R3HDM4: variants seen among roughly 807,000 people sequenced by gnomAD.
R3HDM4 encodes R3H domain-containing protein 4.
R3HDM4 carries 30 observed loss-of-function variants against 31.3 expected under a neutral mutation model. The observed-to-expected ratio is 0.96, with a 90% CI of 0.72 to 1.30. The LOEUF is 1.30. Ranked by LOEUF, R3HDM4 falls within the 50% of genes most tolerant of loss-of-function variation. The pLI, the probability that R3HDM4 is intolerant of heterozygous loss-of-function variation, is 0.00. For missense variants in R3HDM4, 444 were observed against 366.1 expected, an observed-to-expected ratio of 1.21 and a Z score of -1.74; for synonymous variants, 196 against 156.6, an observed-to-expected ratio of 1.25 and a Z score of -1.88.
At chr19:911,184 G>A (rs1360926339) in intron 1 of R3HDM4, among the ~76,000 whole-genome samples, 1 of 152,058 alleles carries the variant, frequency 6.6e-6, no homozygotes, top group Non-Finnish European at 1.5e-5. Context: ...GGTGGCTCAC[G>A]CCTGTAATCC....
intron 1 of R3HDM4, among the ~76,000 whole-genome samples, chr19:902,834 C>A (rs2036854525): frequency 6.6e-6 from 1 of 151,776 alleles, no homozygotes; most frequent in South Asian, 2.1e-4. Context: ...TCAGCTTACT[C>A]AGGAGGCTGA....
In R3HDM4 at chr19:900,929, G is replaced by A. The variant is rs1219471581; in HGVS notation, c.375C>T (p.Arg125=). 1 of 1,607,504 alleles carries A rather than the reference G, an allele frequency of 6.2e-7. No individual in the cohort carries two copies. The highest frequency in any genetic ancestry group is 1.3e-5 in the African/African-American group (1 of 74,464). ...GAACCCGCTCCTGCTCCTCCCCGGA[G>A]CGGTTCATGAAATCGTTCCAGACCT... is the stretch of plus-strand genomic sequence containing the variant. ...YVEVWNDFMN[R]SGEEQERVLR... is the part of the protein sequence containing the mutation. Residue 125 remains arginine, a synonymous_variant, in exon 4 of 8, where the codon CGC becomes CGT. Coordinates refer to ENST00000361574, the MANE Select transcript of R3HDM4 (RefSeq NM_138774.4).
chr19:902,016 G>A lies in R3HDM4; in HGVS notation c.186C>T (p.Pro62=). The A allele has an allele frequency of 6.2e-7, 1 of 1,613,882 alleles. No individual in the cohort carries two copies. The highest frequency in any genetic ancestry group is 8.5e-7 in the Non-Finnish European group (1 of 1,180,006). ...GGAGGCTCTTCCGCCCCTTGGCCTT[G>A]GGCACGAGGTCTGAGTTCCGCACTG... The part of the protein sequence containing the change: ...NQAVRNSDLV[P]KAKGRKSLQR... Residue 62 remains proline (P), a synonymous_variant, in exon 2 of 8, where the codon CCC becomes CCT. Transcript: ENST00000361574.
At position 899,875 on chromosome 19, in the gene R3HDM4, T is replaced by G. The variant is rs1218229247; in HGVS notation, c.561+186A>C. On this transcript the variant is annotated intron_variant, in intron 5 of 7. Transcript: ENST00000361574. This position sits in a 1 kb window ranked among gnomAD's most constrained non-coding sequence, Gnocchi z 6.8. The stretch of plus-strand genomic sequence containing the variant: ...CTGTGCCTTCCGTGGAGGAAACTCC[T>G]ACACACCCTGCAGTGCCCGCCTTCG... Among the ~76,000 whole-genome samples the G allele has an allele frequency of 2.0e-5, 3 of 152,094 alleles. No homozygotes were observed. The highest frequency in any genetic ancestry group is 4.4e-5 in the Non-Finnish European group (3 of 67,996).
chr19:907,965 C>T lies in R3HDM4; in HGVS notation c.71+5122G>A, dbSNP rs1333425998. On this transcript the variant is annotated intron_variant, in intron 1 of 7. Coordinates refer to ENST00000361574, the MANE Select transcript of R3HDM4 (RefSeq NM_138774.4). This position sits in a 1 kb window ranked among gnomAD's most constrained non-coding sequence, Gnocchi z 4.1. ...ATCCCAGCACTTTGGGAGGCCGAGGCGGGCGGATCATGAGGTCAAGAGATG... is the reference window on the plus strand; with the variant it reads ...ATCCCAGCACTTTGGGAGGCCGAGGTGGGCGGATCATGAGGTCAAGAGATG... 2.0e-5 allele frequency among the ~76,000 whole-genome samples: 3 copies of T among 152,110 alleles called. No homozygotes were observed. Among genetic ancestry groups the T allele is most frequent in the African/African-American group, 7.2e-5 (3 of 41,426 alleles).
At chr19:904,116 G>T (rs533427556) in intron 1 of R3HDM4, among the ~76,000 whole-genome samples, 1 of 152,244 alleles carries the variant, frequency 6.6e-6, no homozygotes, top group South Asian at 2.1e-4. Context: ...CACACCACAG[G>T]GCTGACCATG....
chr19:904,561 C>T (rs979574376), intron 1 of R3HDM4, among the ~76,000 whole-genome samples: 3 of 152,032 alleles, frequency 2.0e-5, no homozygotes, highest in African/African-American at 4.8e-5. Flanking sequence ...AAGCTGGGCG[C>T]GGTGGCTCAT....
Position 902,072 on chromosome 19 carries a change from A to C in R3HDM4, c.130T>G (p.Ser44Ala). ...ASSQVKRLSA[S>A]RRKQHFINQA... ...TTGATGAAGTGCTGTTTCCGCCTGGAAGCCGAGAGTCTCTTCACCTGGGAG... is the reference window on the plus strand; with the variant it reads ...TTGATGAAGTGCTGTTTCCGCCTGGCAGCCGAGAGTCTCTTCACCTGGGAG... Residue 44 changes from serine (S) to alanine (A), a missense_variant, in exon 2 of 8, where the codon TCC (serine) becomes GCC (alanine). Transcript: ENST00000361574. 1 of 1,613,864 alleles carries C rather than the reference A, an allele frequency of 6.2e-7. No homozygotes were observed. Among genetic ancestry groups the C allele is most frequent in the Non-Finnish European group, 8.5e-7 (1 of 1,179,992 alleles).
In R3HDM4 at chr19:899,682, G is replaced by A. The variant is rs781662282; in HGVS notation, c.566C>T (p.Thr189Met). Residue 189 changes from threonine to methionine, a missense_variant, in exon 6 of 8, where the codon ACG becomes ATG. Coordinates refer to ENST00000361574, the MANE Select transcript of R3HDM4 (RefSeq NM_138774.4). The surrounding 1 kb of genome is among the most constrained non-coding windows in gnomAD (Gnocchi z 6.8). Reference protein sequence around the residue: ...VLKRSRIPMETLETWEERLLR... With the variant: ...VLKRSRIPMEMLETWEERLLR... The stretch of plus-strand genomic sequence containing the variant: ...CAGCCGCTCCTCCCAGGTCTCCAGC[G>A]TTTCCTGGGGAGAGCGGCCCGGTGG... The A allele has an allele frequency of 1.5e-5, 23 of 1,584,218 alleles. No individual in the cohort carries two copies. Among genetic ancestry groups the A allele is most frequent in the South Asian group, 4.5e-5 (4 of 88,994 alleles).
intron 1 of R3HDM4, among the ~76,000 whole-genome samples, chr19:912,003 G>T (rs1438635522): frequency 6.7e-6 from 1 of 149,694 alleles, no homozygotes; most frequent in Non-Finnish European, 1.5e-5. Flanking sequence ...CGCGGACAGG[G>T]GCCCAGGACC....
intron 1 of R3HDM4, among the ~76,000 whole-genome samples, chr19:910,401 C>G: frequency 6.6e-6 from 1 of 151,732 alleles, no homozygotes; most frequent in Non-Finnish European, 1.5e-5. Flanking sequence ...GGAGGATCGC[C>G]TGAGCCCGCA....
Position 901,967 on chromosome 19 carries a change from C to T in R3HDM4, c.226+9G>A. The T allele has an allele frequency of 3.7e-6, 6 of 1,613,402 alleles. No homozygotes were observed. The highest frequency in any genetic ancestry group is 5.1e-6 in the Non-Finnish European group (6 of 1,179,984). On this transcript the variant is annotated intron_variant, in intron 2 of 7. Transcript: ENST00000361574. ...AGCCCCCAGGAGGCGCCTCCCGACC[C>T]CTGCTCACTGTTCTCCAGGCGCTGG...
In R3HDM4 at chr19:899,475, TGCA is replaced by T; in HGVS notation, c.665_667del (p.Leu222del). 1.2e-6 allele frequency: 2 copies of T among 1,613,618 alleles called. No individual in the cohort carries two copies. The highest frequency in any genetic ancestry group is 1.7e-6 in the Non-Finnish European group (2 of 1,179,932). On this transcript the variant is annotated inframe_deletion, in exon 7 of 8. Coordinates refer to ENST00000361574, the MANE Select transcript of R3HDM4 (RefSeq NM_138774.4). This position sits in a 1 kb window ranked among gnomAD's most constrained non-coding sequence, Gnocchi z 6.8. ...GAGGTCCATGTACTGGCAGACAGCG[TGCA>T]GCAGAAGCCTCTCGAAGCTGTGGGG...
Position 899,951 on chromosome 19 carries a change from C to A in R3HDM4, c.561+110G>T. The A allele has an allele frequency of 2.6e-6, 3 of 1,174,774 alleles. No homozygotes were observed. The highest frequency in any genetic ancestry group is 2.0e-4 in the Middle Eastern group (1 of 4,988). 72.8% of individuals were successfully genotyped at this position (1,174,774 alleles called of 1,614,324 possible). ...CCTGGTGCCGCTGTCTGTATCCTGC[C>A]CTGTTTCCCCTGACACGACCTGCAC... On this transcript the variant is annotated intron_variant, in intron 5 of 7. Transcript: ENST00000361574. This position sits in a 1 kb window ranked among gnomAD's most constrained non-coding sequence, Gnocchi z 6.8.
intron 2 of R3HDM4, 58 bp downstream of exon 2, chr19:901,918 G>A: frequency 1.3e-6 from 2 of 1,595,328 alleles, no homozygotes; most frequent in East Asian, 2.2e-5. Flanking sequence ...ACACCAATAT[G>A]CATGCCATTC....
rs2036745632 is a variant in R3HDM4, at chr19:896,915, G to C, written c.*522C>G. ...ACGCGCGCACACATATACAACACAA[G>C]ATGCTTCTGGCATGAGGGGCAGGGT... On this transcript the variant is annotated 3_prime_UTR_variant, in exon 8 of 8. Transcript: ENST00000361574. The surrounding 1 kb of genome is among the most constrained non-coding windows in gnomAD (Gnocchi z 4.0). 1 of 154,458 alleles carries C rather than the reference G, an allele frequency of 6.5e-6. No homozygotes were observed. Among genetic ancestry groups the C allele is most frequent in the Admixed American group, 6.4e-5 (1 of 15,634 alleles). 9.6% of individuals were successfully genotyped at this position (154,458 alleles called of 1,614,324 possible).
rs1599354252 is a variant in R3HDM4, at chr19:897,119, C to A, written c.*318G>T. ...TAAAAGTGATAAAAACCCAGCCTCC[C>A]CCTCCTCACTTGAGCTTCAGACCGG... On this transcript the variant is annotated 3_prime_UTR_variant, in exon 8 of 8. Transcript: ENST00000361574. The A allele has an allele frequency of 3.2e-6, 1 of 316,776 alleles. No homozygotes were observed. The highest frequency in any genetic ancestry group is 5.1e-5 in the East Asian group (1 of 19,532). 19.6% of individuals were successfully genotyped at this position (316,776 alleles called of 1,614,324 possible).
intron 2 of R3HDM4, 107 bp downstream of exon 2, chr19:901,869 G>A: frequency 1.6e-6 from 2 of 1,262,504 alleles, no homozygotes; most frequent in Non-Finnish European, 2.1e-6. Flanking sequence ...TGGGTCCCCA[G>A]CCCCACCCAG....
rs2036801433 is a variant in R3HDM4, at chr19:899,793, C to G, written c.562-107G>C. On this transcript the variant is annotated intron_variant, in intron 5 of 7. Transcript: ENST00000361574. The surrounding 1 kb of genome is among the most constrained non-coding windows in gnomAD (Gnocchi z 6.8). Reference sequence around the variant, plus strand: ...ACAGCGCTGGGCTCAAACATGACCTCTGACCCACCACGTGAGGCTGCTTAA... The same window carrying G: ...ACAGCGCTGGGCTCAAACATGACCTGTGACCCACCACGTGAGGCTGCTTAA... 2.2e-6 allele frequency: 2 copies of G among 921,570 alleles called. No individual in the cohort carries two copies. The highest frequency in any genetic ancestry group is 3.2e-6 in the Non-Finnish European group (2 of 620,982). 57.1% of individuals were successfully genotyped at this position (921,570 alleles called of 1,614,324 possible).
Sources: allele counts gnomAD v4.1 joint callset (sites outside exome capture counted in the v4.1 genomes callset), GRCh38; gene constraint gnomAD v4.1.1; non-coding constraint Gnocchi (gnomAD v3.1); transcripts MANE v1.5; gene names NCBI Gene and HGNC (gene_info 2026-07-23, HGNC 2026-07-21).